ARB2A: variants seen among roughly 807,000 people sequenced by gnomAD.
ARB2A encodes ARB2 cotranscriptional regulator A.
chr5:93,945,866 A>G, the ARB2A span, among the ~76,000 whole-genome samples: 1 of 152,162 alleles, frequency 6.6e-6, no homozygotes, highest in African/African-American at 2.4e-5. Flanking sequence ...AAGCAGTGAG[A>G]TTCACTTCTT....
At chr5:93,813,891 A>G in the ARB2A span, among the ~76,000 whole-genome samples, 1 of 152,228 alleles carries the variant, frequency 6.6e-6, no homozygotes, top group African/African-American at 2.4e-5. Flanking sequence ...GCCTAACTTA[A>G]TCACAGAAAA....
At chr5:93,833,523 G>A in the ARB2A span, among the ~76,000 whole-genome samples, 2 of 152,112 alleles carry the variant, frequency 1.3e-5, no homozygotes, top group Non-Finnish European at 2.9e-5. Flanking sequence ...TATAATACAT[G>A]CAGCTTATCT....
At chr5:93,784,956 A>C in the ARB2A span, among the ~76,000 whole-genome samples, 1 of 152,158 alleles carries the variant, frequency 6.6e-6, no homozygotes, top group African/African-American at 2.4e-5. Flanking sequence ...TTCCAATTTA[A>C]CTAGCCTGCT....
chr5:93,944,672 A>G, the ARB2A span, among the ~76,000 whole-genome samples: 1 of 151,912 alleles, frequency 6.6e-6, no homozygotes, highest in African/African-American at 2.4e-5. Context: ...AAGAATGGGA[A>G]GAAGAGAAGA....
At chr5:93,860,848 G>A in the ARB2A span, 1 of 151,906 alleles carries the variant, frequency 6.6e-6, no homozygotes, top group African/African-American at 2.4e-5. Flanking sequence ...TAGAGATGAG[G>A]TGTTAGCCAG....
At chr5:93,691,983 T>A in the ARB2A span, among the ~76,000 whole-genome samples, 2 of 152,162 alleles carry the variant, frequency 1.3e-5, no homozygotes, top group Non-Finnish European at 2.9e-5. Context: ...GCTAAGAGAT[T>A]TTGTCACCAC....
chr5:93,841,211 C>T, the ARB2A span, among the ~76,000 whole-genome samples: 527 of 152,232 alleles, frequency 3.5e-3, 3 homozygotes, highest in African/African-American at 0.012. Flanking sequence ...CCTTATCTGT[C>T]GGTTCTGCAT....
chr5:94,056,434 G>C, the ARB2A span, among the ~76,000 whole-genome samples: 1 of 152,134 alleles, frequency 6.6e-6, no homozygotes, highest in East Asian at 1.9e-4. Context: ...ATAATGTAAA[G>C]TTGCATTTTA....
chr5:93,629,328 TAAAGA>T, the ARB2A span, among the ~76,000 whole-genome samples: 3 of 151,320 alleles, frequency 2.0e-5, no homozygotes, highest in African/African-American at 4.9e-5. Flanking sequence ...GATATAAAAA[TAAAGA>T]AAAGGTCTGA....
At chr5:93,936,480 C>A in the ARB2A span, among the ~76,000 whole-genome samples, 44 of 152,212 alleles carry the variant, frequency 2.9e-4, 1 homozygote, top group African/African-American at 9.1e-4. Flanking sequence ...TCTGTTATAC[C>A]ATCAACCAGT....
chr5:94,098,312 TAA>T, the ARB2A span, among the ~76,000 whole-genome samples: 1 of 152,038 alleles, frequency 6.6e-6, no homozygotes, highest in South Asian at 2.1e-4. Context: ...AATAAAAATA[TAA>T]GTCAACACAA....
At chr5:93,644,806 C>T in the ARB2A span, among the ~76,000 whole-genome samples, 6 of 152,182 alleles carry the variant, frequency 3.9e-5, no homozygotes, top group African/African-American at 1.2e-4. Flanking sequence ...ACCTGTGCCA[C>T]GGTGATATGA....
the ARB2A span, among the ~76,000 whole-genome samples, chr5:94,084,111 T>C: frequency 6.6e-6 from 1 of 151,358 alleles, no homozygotes; most frequent in African/African-American, 2.4e-5. Flanking sequence ...CCATCTCTAC[T>C]GAGTATACAA....
chr5:94,049,997 C>T, the ARB2A span, among the ~76,000 whole-genome samples: 9 of 151,318 alleles, frequency 5.9e-5, no homozygotes, highest in African/African-American at 1.2e-4. Flanking sequence ...TGGAGTGCAA[C>T]GGTGTGATCA....
At chr5:93,833,345 T>A in the ARB2A span, among the ~76,000 whole-genome samples, 1 of 152,210 alleles carries the variant, frequency 6.6e-6, no homozygotes, top group Non-Finnish European at 1.5e-5. Flanking sequence ...ATTTCAGGAA[T>A]CCAGCTTCTA....
the ARB2A span, among the ~76,000 whole-genome samples, chr5:93,649,613 T>G: frequency 3.0e-3 from 461 of 152,346 alleles, 3 homozygotes; most frequent in African/African-American, 0.011. Flanking sequence ...TTTGGTTGAA[T>G]TTTGAACGTG....
the ARB2A span, among the ~76,000 whole-genome samples, chr5:93,681,338 A>C: frequency 6.6e-6 from 1 of 152,082 alleles, no homozygotes; most frequent in Non-Finnish European, 1.5e-5. Flanking sequence ...ACCTCCAGTG[A>C]CTCTATGTGG....
the ARB2A span, among the ~76,000 whole-genome samples, chr5:93,888,707 T>C: frequency 6.6e-6 from 1 of 151,872 alleles, no homozygotes; most frequent in African/African-American, 2.4e-5. Flanking sequence ...AAAAGCTGTT[T>C]AACGATTACA....
At chr5:93,947,639 T>C in the ARB2A span, among the ~76,000 whole-genome samples, 2 of 148,142 alleles carry the variant, frequency 1.4e-5, no homozygotes, top group Non-Finnish European at 3.0e-5. Flanking sequence ...TAGCATTAGG[T>C]ATATCTCCTA....
Sources: gnomAD v4.1 joint callset for allele counts (sites outside exome capture counted in the v4.1 genomes callset) on GRCh38, gnomAD v4.1.1 for gene constraint, MANE v1.5 for transcripts, NCBI Gene and HGNC (gene_info 2026-07-23, HGNC 2026-07-21) for gene names.